Variants in DYRK1A observed in about 807,000 individuals in gnomAD.
DYRK1A encodes the protein dual specificity tyrosine-phosphorylation-regulated kinase 1A.
Under a neutral mutation model 79.7 loss-of-function variants are expected in DYRK1A, and 9 were observed. That is an observed-to-expected ratio of 0.11 (90% CI 0.07 to 0.20). The LOEUF (loss-of-function observed/expected upper bound fraction) is 0.20, where lower values mean the gene tolerates loss of function less well. Ranked by LOEUF, DYRK1A falls within the 10% of genes least tolerant of loss-of-function variation. The probability of loss-of-function intolerance (pLI) is 1.00; values close to 1 mark genes in which losing one functional copy is unlikely to be tolerated. For missense variants in DYRK1A, 622 were observed against 956.0 expected, an observed-to-expected ratio of 0.65 and a Z score of 4.61; for synonymous variants, 349 against 329.7, an observed-to-expected ratio of 1.06 and a Z score of -0.63.
chr21:37,381,334 A>T (rs1486320523), intron 1 of DYRK1A, among the ~76,000 whole-genome samples: 1 of 152,220 alleles, frequency 6.6e-6, no homozygotes, highest in Non-Finnish European at 1.5e-5. Flanking sequence ...AGGAGAAAGA[A>T]AATTATTCGT....
rs971974804 is a variant in DYRK1A, at chr21:37,367,250, G to A, written c.-455G>A. ...GCGCTTCTCGCTGCGCAGGTTCGGAGCGCGCGCCATTTTGTGAGATTTACA... is the reference window on the plus strand; with the variant it reads ...GCGCTTCTCGCTGCGCAGGTTCGGAACGCGCGCCATTTTGTGAGATTTACA... On this transcript the variant is annotated 5_prime_UTR_variant, in exon 1 of 12. Transcript: ENST00000647188. 6.6e-6 allele frequency: 1 copy of A among 151,758 alleles called. No homozygotes were observed. Among genetic ancestry groups the A allele is most frequent in the Non-Finnish European group, 1.5e-5 (1 of 67,842 alleles). 9.4% of individuals were successfully genotyped at this position (151,758 alleles called of 1,614,324 possible). A position where few individuals can be genotyped will look rare whatever the true frequency, so the allele number is the denominator to read the frequency against.
chr21:37,496,678 T>C (rs1435273109), intron 9 of DYRK1A, among the ~76,000 whole-genome samples: 8 of 152,102 alleles, frequency 5.3e-5, no homozygotes, highest in Admixed American at 2.0e-4. Flanking sequence ...TGGTAAATTA[T>C]GTCAGAAGAT....
intron 2 of DYRK1A, among the ~76,000 whole-genome samples, chr21:37,442,524 AC>A (rs942471677): frequency 6.6e-6 from 1 of 151,786 alleles, no homozygotes; most frequent in Non-Finnish European, 1.5e-5. Context: ...TATTAGTTTT[AC>A]CCTTTGTGTT....
At chr21:37,411,235 A>G (rs188870835) in intron 1 of DYRK1A, among the ~76,000 whole-genome samples, 1 of 151,874 alleles carries the variant, frequency 6.6e-6, no homozygotes, top group Non-Finnish European at 1.5e-5. Context: ...GTGTGCATAT[A>G]ATCCCAGCTA....
At chr21:37,511,446 G>A (rs1051663578) in intron 11 of DYRK1A, among the ~76,000 whole-genome samples, 2 of 152,206 alleles carry the variant, frequency 1.3e-5, no homozygotes, top group South Asian at 2.1e-4. Flanking sequence ...TGTTTCACAG[G>A]TAGACTCATA....
intron 1 of DYRK1A, among the ~76,000 whole-genome samples, chr21:37,418,076 G>A (rs117227314): frequency 0.014 from 2,062 of 152,236 alleles, 26 homozygotes; most frequent in Non-Finnish European, 0.023. Context: ...AGCACATTTG[G>A]TGTGTGGAAT....
chr21:37,403,804 T>G (rs1238629625), intron 1 of DYRK1A, among the ~76,000 whole-genome samples: 1 of 151,554 alleles, frequency 6.6e-6, no homozygotes, highest in Non-Finnish European at 1.5e-5. Flanking sequence ...TACTGTTTTT[T>G]TTTTTTTCTT....
rs781334575 is a variant in DYRK1A at position 37,522,565 on chromosome 21, A to G, written c.*10034A>G. 3 of 152,204 alleles carry G rather than the reference A, an allele frequency of 2.0e-5. No individual in the cohort carries two copies. The highest frequency in any genetic ancestry group is 4.8e-5 in the African/African-American group (2 of 41,442). 9.4% of individuals were successfully genotyped at this position (152,204 alleles called of 1,614,324 possible). On this transcript the variant is annotated 3_prime_UTR_variant, in exon 12 of 12. Coordinates refer to ENST00000647188, the MANE Select transcript of DYRK1A (RefSeq NM_001347721.2). The stretch of plus-strand genomic sequence containing the variant: ...TTTAATATCAATTAATGTAGACACT[A>G]GGCTTAGGGCTAGGGAAAATGTAGT...
At chr21:37,398,177 TAC>T (rs1003757032) in intron 1 of DYRK1A, among the ~76,000 whole-genome samples, 1 of 150,134 alleles carries the variant, frequency 6.7e-6, no homozygotes, top group Admixed American at 6.7e-5. Flanking sequence ...CACACACACA[TAC>T]ACACACACAA....
intron 11 of DYRK1A, among the ~76,000 whole-genome samples, chr21:37,508,067 G>C (rs549440090): frequency 6.6e-6 from 1 of 151,550 alleles, no homozygotes; most frequent in African/African-American, 2.4e-5. Context: ...AAATTTGGGG[G>C]CACTCCTCTC....
At chr21:37,383,608 C>A (rs2049701317) in intron 1 of DYRK1A, among the ~76,000 whole-genome samples, 1 of 152,078 alleles carries the variant, frequency 6.6e-6, no homozygotes, top group African/African-American at 2.4e-5. Flanking sequence ...ACTTAGAAAC[C>A]TGTTTATTGA....
chr21:37,487,980 A>G (rs960789092), intron 6 of DYRK1A: 1 of 152,166 alleles, frequency 6.6e-6, no homozygotes. Flanking sequence ...TGATCTCTGA[A>G]CATGCCTCCT....
At chr21:37,404,350 A>G (rs1313450362) in intron 1 of DYRK1A, among the ~76,000 whole-genome samples, 2 of 152,160 alleles carry the variant, frequency 1.3e-5, no homozygotes, top group Non-Finnish European at 2.9e-5. Context: ...GTGGCTGGGT[A>G]GGGACCCCAG....
chr21:37,369,853 C>G (rs750851835), intron 1 of DYRK1A, among the ~76,000 whole-genome samples: 1 of 152,132 alleles, frequency 6.6e-6, no homozygotes, highest in Non-Finnish European at 1.5e-5. Flanking sequence ...TTTGGTGGAA[C>G]CTATTAGAAA....
At chr21:37,452,790 T>C (rs1247820435) in intron 2 of DYRK1A, among the ~76,000 whole-genome samples, 1 of 150,266 alleles carries the variant, frequency 6.7e-6, no homozygotes, top group African/African-American at 2.5e-5. Context: ...TTGAGGATTC[T>C]TCTGTGCCCA....
chr21:37,473,019 TAAGAA>T lies in DYRK1A; in HGVS notation c.207+140_207+144del, dbSNP rs1257176775. ...GGGATTATGGATTGGGAAAACATGT[TAAGAA>T]GTTTGCATTAAATTTTTTTTTTTTA... On this transcript the variant is annotated intron_variant, in intron 3 of 11. Transcript: ENST00000647188. The T allele has an allele frequency of 1.1e-5, 7 of 633,008 alleles. No individual in the cohort carries two copies. In the Admixed American group the frequency reaches 2.7e-4, roughly 25 times the overall value. 39.2% of individuals were successfully genotyped at this position (633,008 alleles called of 1,614,324 possible).
At chr21:37,451,966 C>G (rs903265639) in intron 2 of DYRK1A, among the ~76,000 whole-genome samples, 2 of 151,860 alleles carry the variant, frequency 1.3e-5, no homozygotes, top group Admixed American at 6.6e-5. Flanking sequence ...AAGAGAAGAG[C>G]GAAGAGCTGC....
At chr21:37,369,103 TAA>T (rs2049378492) in intron 1 of DYRK1A, among the ~76,000 whole-genome samples, 1 of 152,254 alleles carries the variant, frequency 6.6e-6, no homozygotes, top group African/African-American at 2.4e-5. Flanking sequence ...AAGTTTTGTG[TAA>T]AGTTATTTTT....
intron 1 of DYRK1A, among the ~76,000 whole-genome samples, chr21:37,374,727 G>C (rs2049502930): frequency 6.6e-6 from 1 of 151,998 alleles, no homozygotes; most frequent in South Asian, 2.1e-4. Flanking sequence ...TAATTTTTTT[G>C]TATTTTTAGT....
Sources: allele counts gnomAD v4.1 joint callset (sites outside exome capture counted in the v4.1 genomes callset), GRCh38; gene constraint gnomAD v4.1.1; transcripts MANE v1.5; gene names NCBI Gene and HGNC (gene_info 2026-07-23, HGNC 2026-07-21).